CACNA1E: variants seen among roughly 807,000 people sequenced by gnomAD.
CACNA1E encodes voltage-dependent R-type calcium channel subunit alpha-1E.
A neutral mutation model predicts 259.2 loss-of-function variants in CACNA1E; 40 were observed. That is an observed-to-expected ratio of 0.15 (90% CI 0.12 to 0.20). CACNA1E has a LOEUF of 0.20. CACNA1E is among the 10% of genes least tolerant of loss of function. CACNA1E has a pLI of 1.00. For synonymous variants in CACNA1E, 1,104 were observed against 1,138.5 expected (o/e 0.97, Z 0.61); for missense variants, 1,874 against 3,040.1 (o/e 0.62, Z 9.02).
intron 6 of CACNA1E, among the ~76,000 whole-genome samples, chr1:181,628,319 G>GT (rs1656391038): frequency 6.6e-6 from 1 of 152,178 alleles, no homozygotes; most frequent in African/African-American, 2.4e-5. Flanking sequence ...CAGTGGCTCT[G>GT]TTTCTCAAGA....
intron 3 of CACNA1E, among the ~76,000 whole-genome samples, chr1:181,545,089 C>T (rs1647303204): frequency 6.6e-6 from 1 of 151,920 alleles, no homozygotes; most frequent in Non-Finnish European, 1.5e-5. Flanking sequence ...ACGGTAAAAA[C>T]ATTTCAGCTC....
At chr1:181,354,265 C>A (rs1479784924) in intron 1 of CACNA1E, among the ~76,000 whole-genome samples, 8 of 151,856 alleles carry the variant, frequency 5.3e-5, no homozygotes, top group African/African-American at 1.9e-4. Flanking sequence ...GTGAGCCAGG[C>A]ACATTCTGGG....
intron 37 of CACNA1E, among the ~76,000 whole-genome samples, chr1:181,774,146 C>A (rs576715070): frequency 6.6e-6 from 1 of 152,164 alleles, no homozygotes; most frequent in African/African-American, 2.4e-5. Context: ...TTGGAGCAAG[C>A]GTAACAACAA....
chr1:181,447,359 C>CT (rs1660856659), intron 2 of CACNA1E, among the ~76,000 whole-genome samples: 1 of 148,700 alleles, frequency 6.7e-6, no homozygotes, highest in Admixed American at 6.7e-5. Context: ...GACCTCATCT[C>CT]TAAAAAAAAA....
At chr1:181,566,035 C>G (rs1649794176) in intron 3 of CACNA1E, among the ~76,000 whole-genome samples, 1 of 152,242 alleles carries the variant, frequency 6.6e-6, no homozygotes, top group Non-Finnish European at 1.5e-5. Flanking sequence ...TGCCAACTCT[C>G]TGAAGCACAG....
intron 2 of CACNA1E, among the ~76,000 whole-genome samples, chr1:181,445,092 T>G (rs11805967): frequency 0.04 from 6,102 of 152,270 alleles, 267 homozygotes; most frequent in African/African-American, 0.11. Flanking sequence ...GCCTACTTTC[T>G]TGATCAACAC....
chr1:181,565,885 G>A (rs1339717498), intron 3 of CACNA1E, among the ~76,000 whole-genome samples: 1 of 141,304 alleles, frequency 7.1e-6, no homozygotes, highest in Non-Finnish European at 1.6e-5. Context: ...CTGGTCCTGG[G>A]GGGTACCTGC....
At chr1:181,621,913 C>A (rs1402007285) in intron 6 of CACNA1E, among the ~76,000 whole-genome samples, 2 of 152,096 alleles carry the variant, frequency 1.3e-5, no homozygotes, top group African/African-American at 4.8e-5. Context: ...TCAGCTGTGG[C>A]GAGGGTCATA....
Position 181,798,917 on chromosome 1 carries a change from G to A in CACNA1E, c.*83G>A. ...ATTGGGAAGCCAGTGCGGCCCGGGG[G>A]GGAGGAAGAGGGAAAAGGAAGATGG... On this transcript the variant is annotated 3_prime_UTR_variant, in exon 48 of 48. Coordinates refer to ENST00000367573, the MANE Select transcript of CACNA1E (RefSeq NM_001205293.3). The surrounding 1 kb of genome is among the most constrained non-coding windows in gnomAD (Gnocchi z 4.2). 1.6e-6 allele frequency: 2 copies of A among 1,237,724 alleles called. No individual in the cohort carries two copies. The highest frequency in any genetic ancestry group is 2.2e-6 in the Non-Finnish European group (2 of 926,872). The allele number at this position is 1,237,724 out of a possible 1,614,324, so 76.7% of individuals were successfully genotyped here. A position where few individuals can be genotyped will look rare whatever the true frequency, so the allele number is the denominator to read the frequency against.
chr1:181,628,990 A>G lies in CACNA1E; in HGVS notation c.952-22348A>G, dbSNP rs141879140. Among the ~76,000 whole-genome samples the G allele has an allele frequency of 1.7e-3, 254 of 152,340 alleles. 2 individuals are homozygous for G. Among genetic ancestry groups the G allele is most frequent in the Middle Eastern group, 6.8e-3 (2 of 294 alleles). ...AGGCCCAGTGATAGGGACTGGGAAT[A>G]TAAGTAAGAATGACAGGTAAACAAT... On this transcript the variant is annotated intron_variant, in intron 6 of 47. Coordinates refer to ENST00000367573, the MANE Select transcript of CACNA1E (RefSeq NM_001205293.3).
At chr1:181,654,916 C>T (rs1659075264) in intron 7 of CACNA1E, among the ~76,000 whole-genome samples, 3 of 143,636 alleles carry the variant, frequency 2.1e-5, no homozygotes, top group Middle Eastern at 3.6e-3. Context: ...CCCCAGGGGG[C>T]GGAGCCTGCA....
chr1:181,658,007 T>C (rs1659349075), intron 7 of CACNA1E, among the ~76,000 whole-genome samples: 1 of 152,218 alleles, frequency 6.6e-6, no homozygotes, highest in Admixed American at 6.5e-5. Flanking sequence ...CCTCTTGTAT[T>C]TCTACTGAGA....
At chr1:181,501,562 T>A (rs1446499264) in intron 1 of CACNA1E, among the ~76,000 whole-genome samples, 1 of 152,224 alleles carries the variant, frequency 6.6e-6, no homozygotes, top group Non-Finnish European at 1.5e-5. Context: ...CTGACCTCCA[T>A]GAGAGAGCAG....
intron 7 of CACNA1E, among the ~76,000 whole-genome samples, chr1:181,710,042 C>A (rs1653185140): frequency 6.6e-6 from 1 of 152,048 alleles, no homozygotes; most frequent in Non-Finnish European, 1.5e-5. Context: ...GCCCTTAGTC[C>A]TCTTCTCTTC....
At chr1:181,529,784 A>G (rs1006228669) in intron 3 of CACNA1E, among the ~76,000 whole-genome samples, 1 of 152,156 alleles carries the variant, frequency 6.6e-6, no homozygotes, top group African/African-American at 2.4e-5. Flanking sequence ...GTATTCCCCC[A>G]ATACCTGTAC....
chr1:181,597,691 A>C (rs953229052), intron 6 of CACNA1E, among the ~76,000 whole-genome samples: 7 of 152,128 alleles, frequency 4.6e-5, no homozygotes. Context: ...GCAATTTACA[A>C]ATGGAAGAGG....
At chr1:181,425,854 C>T (rs3891881) in intron 2 of CACNA1E, among the ~76,000 whole-genome samples, 89,024 of 151,712 alleles carry the variant, frequency 0.59, 26,746 homozygotes, top group African/African-American at 0.69. Flanking sequence ...GGGCTTGTCC[C>T]CCTTTCCCCT....
chr1:181,392,282 T>C (rs570788764), intron 1 of CACNA1E, among the ~76,000 whole-genome samples: 2 of 152,348 alleles, frequency 1.3e-5, no homozygotes, highest in South Asian at 4.1e-4. Context: ...TCCATGCCTT[T>C]GCATGTAAGA....
At chr1:181,705,639 G>A (rs1251036221) in intron 7 of CACNA1E, among the ~76,000 whole-genome samples, 1 of 152,200 alleles carries the variant, frequency 6.6e-6, no homozygotes, top group Admixed American at 6.5e-5. Context: ...GAGGAGCCAG[G>A]TTTGGGGCTG....
Sources: allele counts gnomAD v4.1 joint callset (sites outside exome capture counted in the v4.1 genomes callset), GRCh38; gene constraint gnomAD v4.1.1; non-coding constraint Gnocchi (gnomAD v3.1); transcripts MANE v1.5; gene names NCBI Gene and HGNC (gene_info 2026-07-23, HGNC 2026-07-21).